VRK2: variants seen among roughly 807,000 people sequenced by gnomAD.
VRK2 encodes the protein VRK serine/threonine kinase 2.
VRK2 carries 60 observed loss-of-function variants against 57.6 expected under a neutral mutation model. That is an observed-to-expected ratio of 1.04 (90% CI 0.85 to 1.29). The LOEUF is 1.29. Ranked by LOEUF, VRK2 falls within the 50% of genes most tolerant of loss-of-function variation. The pLI is 0.00. For synonymous variants in VRK2, 231 were observed against 199.2 expected, an observed-to-expected ratio of 1.16 and a Z score of -1.35; for missense variants, 705 against 588.1, an observed-to-expected ratio of 1.20 and a Z score of -2.06.
At chr2:58,038,418 A>G (rs1477218557) in intron 3 of VRK2, among the ~76,000 whole-genome samples, 1 of 152,170 alleles carries the variant, frequency 6.6e-6, no homozygotes, top group Non-Finnish European at 1.5e-5. Flanking sequence ...ATGGACTAAC[A>G]TGAGCACACA....
chr2:57,939,480 G>C (rs1259250891), intron 1 of VRK2, among the ~76,000 whole-genome samples: 1 of 151,936 alleles, frequency 6.6e-6, no homozygotes, highest in Non-Finnish European at 1.5e-5. Flanking sequence ...TGTATATTTT[G>C]TATGAAAGGT....
At chr2:57,934,643 T>A (rs1213234282) in intron 1 of VRK2, among the ~76,000 whole-genome samples, 2 of 152,236 alleles carry the variant, frequency 1.3e-5, no homozygotes, top group African/African-American at 4.8e-5. Context: ...CAGCCACCAT[T>A]TCTTTAAATA....
chr2:58,045,889 G>C (rs1186657247), upstream of VRK2, among the ~76,000 whole-genome samples: 1 of 152,030 alleles, frequency 6.6e-6, no homozygotes, highest in Non-Finnish European at 1.5e-5. Flanking sequence ...TGCTGCCCAG[G>C]CTGGGGTGCA....
chr2:58,125,175 C>A (rs1339081429), intron 8 of VRK2, among the ~76,000 whole-genome samples: 1 of 152,034 alleles, frequency 6.6e-6, no homozygotes, highest in Admixed American at 6.5e-5. Context: ...ACTGGTAGCT[C>A]TAAACTGCTC....
At chr2:58,085,956 T>C (rs1573014621) in intron 4 of VRK2, among the ~76,000 whole-genome samples, 1 of 149,216 alleles carries the variant, frequency 6.7e-6, no homozygotes, top group East Asian at 1.9e-4. Flanking sequence ...TGGTCCATTA[T>C]GGTTTTAAAT....
intron 2 of VRK2, among the ~76,000 whole-genome samples, chr2:58,078,912 A>G (rs1242394106): frequency 6.6e-6 from 1 of 152,124 alleles, no homozygotes; most frequent in Non-Finnish European, 1.5e-5. Flanking sequence ...GGGCTCAGGC[A>G]GTCTGCCTGC....
chr2:58,140,836 AC>A (rs1166787198), intron 11 of VRK2, among the ~76,000 whole-genome samples: 3 of 152,064 alleles, frequency 2.0e-5, no homozygotes, highest in African/African-American at 7.2e-5. Flanking sequence ...TATTTGAATG[AC>A]TGTGGTATTG....
intron 1 of VRK2, among the ~76,000 whole-genome samples, chr2:57,981,439 T>A (rs557460424): frequency 2.2e-4 from 34 of 152,308 alleles, no homozygotes; most frequent in Admixed American, 2.2e-3. Flanking sequence ...TTATATTACC[T>A]ACCCCTTCTC....
chr2:58,159,917 G>C, downstream of VRK2: 5 of 1,539,770 alleles, frequency 3.2e-6, no homozygotes, highest in Non-Finnish European at 4.4e-6. Flanking sequence ...AAACACTTCT[G>C]AAGTTTCAGA....
chr2:58,154,752 A>G (rs1350018925), intron 12 of VRK2: 2 of 716,754 alleles, frequency 2.8e-6, no homozygotes, highest in South Asian at 3.0e-5. Flanking sequence ...CCTTTTTTCC[A>G]GTTTAGGTAG....
At chr2:58,089,831 A>G (rs1032905660) in intron 7 of VRK2, 108 bp downstream of exon 7, 4 of 706,440 alleles carry the variant, frequency 5.7e-6, no homozygotes, top group African/African-American at 5.4e-5. Flanking sequence ...GCGTAACATG[A>G]TGAATGTTGT....
At chr2:57,946,696 CTT>C (rs1473481220) in intron 1 of VRK2, among the ~76,000 whole-genome samples, 1 of 152,078 alleles carries the variant, frequency 6.6e-6, no homozygotes, top group Non-Finnish European at 1.5e-5. Flanking sequence ...TTATTATAGA[CTT>C]GATAAAAACC....
In VRK2 at chr2:57,970,305, G is replaced by A. The variant is rs529942685; in HGVS notation, c.-438-55360G>A. 3.3e-5 allele frequency among the ~76,000 whole-genome samples: 5 copies of A among 150,818 alleles called. No homozygotes were observed. The South Asian group carries it at 1.0e-3, about 31-fold the overall frequency. On this transcript the variant is annotated intron_variant, in intron 1 of 15. Transcript: ENST00000417641. ...CCCCAAGTCAGAATTTTCTGAAATGGACATTTTCTGTAAAAATATAAGCCA... is the reference window on the plus strand; with the variant it reads ...CCCCAAGTCAGAATTTTCTGAAATGAACATTTTCTGTAAAAATATAAGCCA...
intron 12 of VRK2, chr2:58,147,256 GCATTCTT>G (rs966285485): frequency 4.0e-6 from 2 of 495,894 alleles, no homozygotes; most frequent in African/African-American, 3.9e-5. Context: ...TAGTACTTAT[GCATTCTT>G]CAGCCAGCCA....
chr2:58,088,902 G>A (rs1329817976), intron 6 of VRK2, among the ~76,000 whole-genome samples: 1 of 152,166 alleles, frequency 6.6e-6, no homozygotes, highest in Non-Finnish European at 1.5e-5. Flanking sequence ...TGCCAAAGCA[G>A]AAGCAACGAA....
At chr2:58,153,982 A>C (rs998134948) in intron 12 of VRK2, among the ~76,000 whole-genome samples, 3 of 152,118 alleles carry the variant, frequency 2.0e-5, no homozygotes, top group Admixed American at 1.3e-4. Context: ...ACAACTATTT[A>C]TCTCTTGCAT....
At chr2:58,096,234 T>C (rs1437332050) in intron 7 of VRK2, among the ~76,000 whole-genome samples, 2 of 152,118 alleles carry the variant, frequency 1.3e-5, no homozygotes, top group Non-Finnish European at 2.9e-5. Context: ...TGATCCATAG[T>C]TTTCTAATTT....
chr2:57,911,929 G>T (rs1231325691), intron 1 of VRK2, among the ~76,000 whole-genome samples: 1 of 152,154 alleles, frequency 6.6e-6, no homozygotes, highest in Non-Finnish European at 1.5e-5. Flanking sequence ...TGAGTTATAA[G>T]AGATAACCTG....
At chr2:58,014,530 TCAA>T (rs1368384880) in intron 1 of VRK2, among the ~76,000 whole-genome samples, 3 of 152,204 alleles carry the variant, frequency 2.0e-5, no homozygotes, top group Admixed American at 2.0e-4. Flanking sequence ...GCATTCTGCT[TCAA>T]CAACTCAGGT....
Sources: allele counts gnomAD v4.1 joint callset (sites outside exome capture counted in the v4.1 genomes callset), GRCh38; gene constraint gnomAD v4.1.1; transcripts MANE v1.5; gene names NCBI Gene and HGNC (gene_info 2026-07-23, HGNC 2026-07-21).